The following ADAMTS16 variants were observed in gnomAD, a reference collection of about 807,000 sequenced individuals.
ADAMTS16 encodes the protein A disintegrin and metalloproteinase with thrombospondin motifs 16.
In ADAMTS16, 94 loss-of-function variants were observed where a neutral mutation model predicts 145.8. That is an observed-to-expected ratio of 0.64 (90% CI 0.55 to 0.77). The LOEUF (loss-of-function observed/expected upper bound fraction) is 0.77, where lower values mean the gene tolerates loss of function less well. Ranked by LOEUF, ADAMTS16 falls within the 30% of genes least tolerant of loss-of-function variation. The pLI is 0.00. For synonymous variants in ADAMTS16, 659 were observed against 604.3 expected (o/e 1.09, Z -1.33); for missense variants, 1,585 against 1,591.5 (o/e 1.00, Z 0.07).
chr5:5,227,064 C>T (rs1736786556), intron 11 of ADAMTS16, among the ~76,000 whole-genome samples: 1 of 152,242 alleles, frequency 6.6e-6, no homozygotes, highest in Non-Finnish European at 1.5e-5. Flanking sequence ...TTACATTGAA[C>T]CCTCCCTCTG....
intron 13 of ADAMTS16, 35 bp downstream of exon 13, chr5:5,235,221 T>C (rs746726155): frequency 1.3e-6 from 2 of 1,515,506 alleles, no homozygotes; most frequent in South Asian, 2.6e-5. Flanking sequence ...AATAGCCTCA[T>C]GCTTTACTAC....
At chr5:5,290,305 T>A (rs1216233286) in intron 18 of ADAMTS16, among the ~76,000 whole-genome samples, 1 of 152,166 alleles carries the variant, frequency 6.6e-6, no homozygotes, top group Admixed American at 6.5e-5. Context: ...GGTCTCACGA[T>A]CACAGTCCAT....
intron 10 of ADAMTS16, among the ~76,000 whole-genome samples, chr5:5,220,157 T>TA (rs1491479706): frequency 6.5e-5 from 4 of 61,518 alleles, no homozygotes; most frequent in Admixed American, 1.6e-4. Context: ...ATAATTTAAC[T>TA]TTTTTTTTTT....
intron 4 of ADAMTS16, 94 bp downstream of exon 4, chr5:5,182,399 C>A: frequency 2.0e-6 from 3 of 1,484,554 alleles, no homozygotes; most frequent in East Asian, 2.3e-5. Context: ...CATGTCTGCC[C>A]ACGGGGTGAA....
intron 18 of ADAMTS16, among the ~76,000 whole-genome samples, chr5:5,293,528 C>T (rs1009974113): frequency 3.3e-5 from 5 of 152,130 alleles, no homozygotes; most frequent in African/African-American, 9.7e-5. Context: ...CACCCCAGGC[C>T]GGGTTTCAGG....
intron 8 of ADAMTS16, among the ~76,000 whole-genome samples, chr5:5,193,148 T>G (rs1030875665): frequency 7.1e-6 from 1 of 140,884 alleles, no homozygotes; most frequent in Non-Finnish European, 1.6e-5. Context: ...AGTGTGTGTG[T>G]GTGTGTGTGT....
intron 10 of ADAMTS16, among the ~76,000 whole-genome samples, chr5:5,216,305 A>C (rs6894185): frequency 6.6e-6 from 1 of 152,152 alleles, no homozygotes; most frequent in East Asian, 1.9e-4. Flanking sequence ...GATGTTGAGC[A>C]GTTTTTCATA....
chr5:5,230,901 A>G (rs1461737150), intron 11 of ADAMTS16, among the ~76,000 whole-genome samples: 2 of 152,208 alleles, frequency 1.3e-5, no homozygotes, highest in Non-Finnish European at 2.9e-5. Flanking sequence ...CTTCAAACCA[A>G]GAGAGATTTT....
At chr5:5,174,273 C>G (rs1560934217) in intron 3 of ADAMTS16, among the ~76,000 whole-genome samples, 1 of 152,158 alleles carries the variant, frequency 6.6e-6, no homozygotes, top group Non-Finnish European at 1.5e-5. Flanking sequence ...TGTTATGCCA[C>G]TCTTTCCTGG....
intron 3 of ADAMTS16, among the ~76,000 whole-genome samples, chr5:5,177,393 C>T (rs1735227332): frequency 6.6e-6 from 1 of 152,210 alleles, no homozygotes. Flanking sequence ...CTGTGACCAG[C>T]ATATCAGCCC....
At chr5:5,292,010 A>G (rs1739341213) in intron 18 of ADAMTS16, among the ~76,000 whole-genome samples, 1 of 152,172 alleles carries the variant, frequency 6.6e-6, no homozygotes, top group East Asian at 1.9e-4. Context: ...GCATTGATGA[A>G]ATGTCAAATT....
At chr5:5,226,975 G>C (rs2126357357) in intron 11 of ADAMTS16, among the ~76,000 whole-genome samples, 1 of 150,650 alleles carries the variant, frequency 6.6e-6, no homozygotes, top group Admixed American at 6.6e-5. Context: ...TTCGGTCACT[G>C]GGGACCTCTC....
rs1361509453 is a variant in ADAMTS16 at position 5,209,884 on chromosome 5, T to C, written c.1605+638T>C. On this transcript the variant is annotated intron_variant, in intron 10 of 22. Coordinates refer to ENST00000274181, the MANE Select transcript of ADAMTS16 (RefSeq NM_139056.4). ...TAAATAAAAGTAACTATTTTTAAGGTTTCTTTTATTCTAGTTTATAATAAA... is the reference window on the plus strand; with the variant it reads ...TAAATAAAAGTAACTATTTTTAAGGCTTCTTTTATTCTAGTTTATAATAAA... Among the ~76,000 whole-genome samples, 7 of 152,138 alleles carry C rather than the reference T, an allele frequency of 4.6e-5. No homozygotes were observed. The East Asian group carries it at 1.2e-3, about 25-fold the overall frequency.
chr5:5,146,607 C>T (rs1734304367), intron 3 of ADAMTS16, 152 bp downstream of exon 3: 2 of 867,844 alleles, frequency 2.3e-6, no homozygotes, highest in Non-Finnish European at 3.4e-6. Flanking sequence ...AAAACTTTTC[C>T]AAAAAACATT....
intron 18 of ADAMTS16, among the ~76,000 whole-genome samples, chr5:5,271,392 C>T (rs1161787852): frequency 6.6e-6 from 1 of 152,230 alleles, no homozygotes; most frequent in African/African-American, 2.4e-5. Context: ...CTGTGGCTCC[C>T]GCTCCTTCCG....
At chr5:5,157,586 A>G (rs966689829) in intron 3 of ADAMTS16, among the ~76,000 whole-genome samples, 1 of 152,204 alleles carries the variant, frequency 6.6e-6, no homozygotes, top group Non-Finnish European at 1.5e-5. Context: ...CCCTTAAGAC[A>G]TTAGAAATTG....
chr5:5,233,436 C>G lies in ADAMTS16; in HGVS notation c.1850+920C>G, dbSNP rs1227215369. On this transcript the variant is annotated intron_variant, in intron 12 of 22. Coordinates refer to ENST00000274181, the MANE Select transcript of ADAMTS16 (RefSeq NM_139056.4). ...TGTGTTGTGCAGATTATTTCATCGC[C>G]CAGGTATTAAACCTAGTATTCATTA... is the stretch of plus-strand genomic sequence containing the variant. Among the ~76,000 whole-genome samples the G allele has an allele frequency of 3.9e-5, 6 of 152,212 alleles. No homozygotes were observed. In the East Asian group the frequency reaches 1.2e-3, roughly 29 times the overall value.
At chr5:5,157,995 C>T (rs1406406398) in intron 3 of ADAMTS16, among the ~76,000 whole-genome samples, 5 of 152,198 alleles carry the variant, frequency 3.3e-5, no homozygotes, top group East Asian at 1.9e-4. Context: ...GCCTGCAAAA[C>T]GACTCCCATC....
chr5:5,162,759 A>AGAGAGGAGAG (rs10545197), intron 3 of ADAMTS16, among the ~76,000 whole-genome samples: 3,270 of 150,178 alleles, frequency 0.022, 51 homozygotes, highest in Middle Eastern at 0.027. Flanking sequence ...AGAGAAGAGA[A>AGAGAGGAGAG]GAGAGGAGAG....
Sources: allele counts gnomAD v4.1 joint callset (sites outside exome capture counted in the v4.1 genomes callset), GRCh38; gene constraint gnomAD v4.1.1; transcripts MANE v1.5; gene names NCBI Gene and HGNC (gene_info 2026-07-23, HGNC 2026-07-21).